Variants in RBM39 observed in about 807,000 individuals in gnomAD.
RBM39 encodes the protein RNA-binding protein 39.
Under a neutral mutation model 79.6 loss-of-function variants are expected in RBM39, and 12 were observed. The ratio of observed to expected loss-of-function variants is 0.15; its 90% CI spans 0.10 to 0.24. RBM39 has a LOEUF of 0.24. Ranked by LOEUF, RBM39 falls within the 10% of genes least tolerant of loss-of-function variation. The pLI is 1.00. For synonymous variants in RBM39, 185 were observed against 208.4 expected, an observed-to-expected ratio of 0.89 and a Z score of 0.97; for missense variants, 243 against 653.4, an observed-to-expected ratio of 0.37 and a Z score of 6.85.
At chr20:35,729,843 TAAAA>T (rs11476594) in intron 4 of RBM39, among the ~76,000 whole-genome samples, 5 of 145,298 alleles carry the variant, frequency 3.4e-5, no homozygotes, top group African/African-American at 1.3e-4. Flanking sequence ...TCTTGAGAAT[TAAAA>T]AAAAAAAAAC....
chr20:35,708,742 T>A (rs1239799733), intron 13 of RBM39: 1 of 152,552 alleles, frequency 6.6e-6, no homozygotes, highest in African/African-American at 2.4e-5. Context: ...AATTTAAGTA[T>A]GTATAAACCT....
chr20:35,740,707 T>A, intron 2 of RBM39, 117 bp downstream of exon 2: 2 of 1,307,306 alleles, frequency 1.5e-6, no homozygotes, highest in Non-Finnish European at 1.1e-6. Context: ...ACGTAATGCA[T>A]CTCTGATAAG....
chr20:35,723,697 C>T (rs1043190165), intron 8 of RBM39, among the ~76,000 whole-genome samples: 4 of 152,170 alleles, frequency 2.6e-5, no homozygotes, highest in African/African-American at 9.7e-5. Flanking sequence ...CTCAACCTCC[C>T]AAAGTGCTGG....
At chr20:35,724,758 A>G (rs747895007) in intron 7 of RBM39, 36 bp from the exon 8 acceptor site, 5 of 1,599,566 alleles carry the variant, frequency 3.1e-6, no homozygotes, top group African/African-American at 2.7e-5. Flanking sequence ...GCAAACATCC[A>G]TTGTAACACA....
At chr20:35,722,439 T>TA (rs2038081409) in intron 8 of RBM39, among the ~76,000 whole-genome samples, 1 of 129,894 alleles carries the variant, frequency 7.7e-6, no homozygotes, top group African/African-American at 3.0e-5. Context: ...AAAATAAAAA[T>TA]AAAAAGTTTA....
At chr20:35,735,154 A>G in intron 3 of RBM39, 2 of 1,396,512 alleles carry the variant, frequency 1.4e-6, no homozygotes, top group South Asian at 1.7e-5. Context: ...ACAGTAGCCA[A>G]TATATTTCAA....
intron 12 of RBM39, 114 bp from the exon 13 acceptor site, chr20:35,709,388 C>T: frequency 1.2e-6 from 1 of 862,136 alleles, no homozygotes; most frequent in Non-Finnish European, 1.7e-6. Flanking sequence ...CTTAGTAAAA[C>T]CTGGCAGCAA....
rs1159899289 is a variant in RBM39 at position 35,742,187 on chromosome 20, C to G, written c.-260G>C. Reference sequence around the variant, plus strand: ...GCGGCTTCGGCAGCTCAGGATCCACCCCTGCGACAGCGTCGACAAGCTCCC... The same window carrying G: ...GCGGCTTCGGCAGCTCAGGATCCACGCCTGCGACAGCGTCGACAAGCTCCC... On this transcript the variant is annotated 5_prime_UTR_variant, in exon 1 of 17. Transcript: ENST00000253363. The G allele has an allele frequency of 1.9e-5, 3 of 158,744 alleles. No individual in the cohort carries two copies. The highest frequency in any genetic ancestry group is 4.2e-5 in the Non-Finnish European group (3 of 71,354). The allele number at this position is 158,744 out of a possible 1,614,324, so 9.8% of individuals were successfully genotyped here.
At position 35,711,152 on chromosome 20, in the gene RBM39, C is replaced by T. The variant is rs534960808; in HGVS notation, c.1174+1867G>A. Among the ~76,000 whole-genome samples the T allele has an allele frequency of 3.3e-5, 5 of 152,258 alleles. No individual in the cohort carries two copies. In the South Asian group the frequency reaches 6.2e-4, roughly 19 times the overall value. ...GTGTAAGAAAATTGTCTATAAATGA[C>T]CCCTTTGTCACTGTATCAATTCCCT... On this transcript the variant is annotated intron_variant, in intron 12 of 16. Coordinates refer to ENST00000253363, the MANE Select transcript of RBM39 (RefSeq NM_184234.3).
rs72430622 is a variant in RBM39 at position 35,722,458 on chromosome 20, CTTT to C, written c.688-584_688-582del. On this transcript the variant is annotated intron_variant, in intron 8 of 16. Transcript: ENST00000253363. ...TAAAAATAAAAAGTTTATTTAGAGG[CTTT>C]TTTTTTTTTTTTTTTGAGACAGTCT... 9.4e-5 allele frequency among the ~76,000 whole-genome samples: 11 copies of C among 116,444 alleles called. 1 individual carries two copies. Among genetic ancestry groups the C allele is most frequent in the Admixed American group, 5.5e-4 (6 of 10,898 alleles). 76.4% of individuals were successfully genotyped at this position (116,444 alleles called of 152,430 possible). A position where few individuals can be genotyped will look rare whatever the true frequency, so the allele number is the denominator to read the frequency against.
At chr20:35,705,911 A>G (rs193229194) in intron 14 of RBM39, among the ~76,000 whole-genome samples, 1 of 152,212 alleles carries the variant, frequency 6.6e-6, no homozygotes, top group Admixed American at 6.5e-5. Flanking sequence ...ACTTTTAAAT[A>G]GTTAAATGGG....
chr20:35,710,287 G>C (rs1309649246), intron 12 of RBM39: 1 of 152,118 alleles, frequency 6.6e-6, no homozygotes, highest in African/African-American at 2.4e-5. Context: ...AAATACCTGG[G>C]TCCTAGGTGC....
At chr20:35,720,875 A>T (rs1441196089) in intron 9 of RBM39, among the ~76,000 whole-genome samples, 2 of 152,230 alleles carry the variant, frequency 1.3e-5, no homozygotes, top group African/African-American at 2.4e-5. Flanking sequence ...AGATTTCAAC[A>T]GACAGAAAAA....
intron 3 of RBM39, chr20:35,732,548 C>T (rs1358113458): frequency 1.1e-5 from 2 of 181,906 alleles, no homozygotes; most frequent in East Asian, 2.7e-4. Flanking sequence ...CAGAGTAAGA[C>T]TCTGTCTAAA....
In RBM39 at chr20:35,703,267, C is replaced by G. The variant is rs2035374478; in HGVS notation, c.*1214G>C. On this transcript the variant is annotated 3_prime_UTR_variant, in exon 17 of 17. Coordinates refer to ENST00000253363, the MANE Select transcript of RBM39 (RefSeq NM_184234.3). Reference sequence around the variant, plus strand: ...TTAATATATAAATCAATTTTGGAAACCAGTTTGAAGTTAAGCCATTTTGTT... The same window carrying G: ...TTAATATATAAATCAATTTTGGAAAGCAGTTTGAAGTTAAGCCATTTTGTT... 1 of 152,044 alleles carries G rather than the reference C, an allele frequency of 6.6e-6. No individual in the cohort carries two copies. Among genetic ancestry groups the G allele is most frequent in the Admixed American group, 6.6e-5 (1 of 15,264 alleles). The allele number at this position is 152,044 out of a possible 1,614,324, so 9.4% of individuals were successfully genotyped here.
At chr20:35,721,615 TA>T in intron 9 of RBM39, 124 bp downstream of exon 9, 1 of 1,134,678 alleles carries the variant, frequency 8.8e-7, no homozygotes, top group Non-Finnish European at 1.2e-6. Context: ...GAAATTTTTA[TA>T]AAACCAGCCC....
At chr20:35,732,380 A>C in intron 3 of RBM39, 2 of 491,396 alleles carry the variant, frequency 4.1e-6, no homozygotes, top group Non-Finnish European at 7.2e-6. Flanking sequence ...ATGTAGTGAA[A>C]CCCCGTCCCT....
At chr20:35,733,465 G>A (rs1488860563) in intron 3 of RBM39, among the ~76,000 whole-genome samples, 1 of 151,970 alleles carries the variant, frequency 6.6e-6, no homozygotes, top group African/African-American at 2.4e-5. Flanking sequence ...AAGAAGTAGT[G>A]GGTCGTGGTG....
At chr20:35,735,078 T>TA (rs776491507) in intron 3 of RBM39, 6 of 1,559,716 alleles carry the variant, frequency 3.8e-6, no homozygotes, top group Non-Finnish European at 5.2e-6. Flanking sequence ...TAATGCAAAG[T>TA]ATTCTGGAAA....
Sources: gnomAD v4.1 joint callset for allele counts (sites outside exome capture counted in the v4.1 genomes callset) on GRCh38, gnomAD v4.1.1 for gene constraint, MANE v1.5 for transcripts, NCBI Gene and HGNC (gene_info 2026-07-23, HGNC 2026-07-21) for gene names.